GNAL: variants seen among roughly 807,000 people sequenced by gnomAD.
GNAL encodes the protein guanine nucleotide-binding protein G(olf) subunit alpha.
Under a neutral mutation model 55.1 loss-of-function variants are expected in GNAL, and 18 were observed. That is an observed-to-expected ratio of 0.33 (90% CI 0.23 to 0.48). The LOEUF (loss-of-function observed/expected upper bound fraction) is 0.48. GNAL is among the 20% of genes least tolerant of loss of function. GNAL has a pLI of 0.99. For missense variants in GNAL, 412 were observed against 614.1 expected (o/e 0.67, Z 3.48); for synonymous variants, 253 against 237.0 (o/e 1.07, Z -0.62).
At chr18:11,820,085 C>T (rs905839905) in intron 4 of GNAL, among the ~76,000 whole-genome samples, 4 of 151,890 alleles carry the variant, frequency 2.6e-5, no homozygotes, top group Admixed American at 1.3e-4. Flanking sequence ...TGAGAAAGGG[C>T]TATTTTAGTA....
chr18:11,804,939 G>T (rs2034615395), intron 4 of GNAL, among the ~76,000 whole-genome samples: 1 of 146,816 alleles, frequency 6.8e-6, no homozygotes, highest in Non-Finnish European at 1.5e-5. Flanking sequence ...CGGAGATACT[G>T]TGTAGTGGTG....
rs750928118 is a variant in GNAL at position 11,752,495 on chromosome 18, G to A, written c.377-358G>A. The A allele has an allele frequency of 6.2e-7, 1 of 1,613,128 alleles. No individual in the cohort carries two copies. The highest frequency in any genetic ancestry group is 1.1e-5 in the South Asian group (1 of 90,978). ...GACCAGGGCGTCGATGAAAAAGAACGACGCGAGGCCAACAAAAAGATCGAG... is the reference window on the plus strand; with the variant it reads ...GACCAGGGCGTCGATGAAAAAGAACAACGCGAGGCCAACAAAAAGATCGAG... On this transcript the variant is annotated intron_variant, in intron 1 of 11. Transcript: ENST00000334049. This position sits in a 1 kb window ranked among gnomAD's most constrained non-coding sequence, Gnocchi z 4.5.
At chr18:11,846,462 T>TAC (rs1357598485) in intron 5 of GNAL, among the ~76,000 whole-genome samples, 87 of 20,208 alleles carry the variant, frequency 4.3e-3, no homozygotes, top group African/African-American at 5.9e-3. Context: ...TATATATAAA[T>TAC]ATACACACAC....
rs981816213 is a variant in GNAL, at chr18:11,875,220, G to A, written c.1163-1401G>A. On this transcript the variant is annotated intron_variant, in intron 10 of 11. Transcript: ENST00000334049. ...CCCTGCCAGTGCTGCCCCCAGGGAG[G>A]CCAGGGCCCAGCTCCTGTGCCTGGA... Among the ~76,000 whole-genome samples the A allele has an allele frequency of 2.0e-5, 3 of 152,132 alleles. No homozygotes were observed. The South Asian group carries it at 6.2e-4, about 31-fold the overall frequency.
chr18:11,802,621 C>T (rs750785691), intron 4 of GNAL, among the ~76,000 whole-genome samples: 9 of 152,192 alleles, frequency 5.9e-5, no homozygotes, highest in Non-Finnish European at 1.0e-4. Context: ...CAAAACTGGT[C>T]ACTGCATATT....
intron 4 of GNAL, among the ~76,000 whole-genome samples, chr18:11,783,037 A>G (rs900752539): frequency 2.6e-5 from 4 of 152,234 alleles, no homozygotes; most frequent in African/African-American, 9.6e-5. Flanking sequence ...ATCAACCAAC[A>G]TTTGTAAAAG....
intron 4 of GNAL, among the ~76,000 whole-genome samples, chr18:11,812,140 GA>G (rs2034832983): frequency 6.6e-6 from 1 of 152,182 alleles, no homozygotes; most frequent in Non-Finnish European, 1.5e-5. Context: ...AATACTTGAG[GA>G]AAATTCTATG....
chr18:11,880,918 G>C (rs2036670563), intron 11 of GNAL, 71 bp from the exon 12 acceptor site: 1 of 1,510,896 alleles, frequency 6.6e-7, no homozygotes, highest in African/African-American at 1.4e-5. Flanking sequence ...CACCTGCTCA[G>C]CGTGGCCTAG....
chr18:11,808,066 A>G (rs2034712143), intron 4 of GNAL, among the ~76,000 whole-genome samples: 1 of 147,648 alleles, frequency 6.8e-6, no homozygotes, highest in Middle Eastern at 3.2e-3. Flanking sequence ...TCCCTACTCT[A>G]CCCTCACAGG....
At chr18:11,754,993 T>TGTGA (rs1316590816) in intron 4 of GNAL, among the ~76,000 whole-genome samples, 17 of 71,980 alleles carry the variant, frequency 2.4e-4, no homozygotes, top group African/African-American at 5.5e-4. Flanking sequence ...CAGAAGTGAG[T>TGTGA]GTGTATGTGT....
rs549882319 is a variant in GNAL, at chr18:11,751,778, C to A, written c.377-1075C>A. On this transcript the variant is annotated intron_variant, in intron 1 of 11. Transcript: ENST00000334049. This position sits in a 1 kb window ranked among gnomAD's most constrained non-coding sequence, Gnocchi z 4.5. ...CCCCTACAGCGCGGTAGCGCCTCTC[C>A]GAGAGCTCCGGGACCAGCGGCCCGG... 2.2e-4 allele frequency: 108 copies of A among 492,516 alleles called. No individual in the cohort carries two copies. In the South Asian group the frequency reaches 8.7e-3, roughly 39 times the overall value. 30.5% of individuals were successfully genotyped at this position (492,516 alleles called of 1,614,324 possible). A position where few individuals can be genotyped will look rare whatever the true frequency, so the allele number is the denominator to read the frequency against.
chr18:11,855,236 G>A (rs1454636981), intron 5 of GNAL, among the ~76,000 whole-genome samples: 1 of 152,038 alleles, frequency 6.6e-6, no homozygotes. Flanking sequence ...CACCGCGCCC[G>A]GTCCCCTGGC....
At chr18:11,860,477 T>C (rs1265992046) in intron 5 of GNAL, among the ~76,000 whole-genome samples, 2 of 152,182 alleles carry the variant, frequency 1.3e-5, no homozygotes, top group Admixed American at 6.5e-5. Context: ...TCTTTCCCAT[T>C]AGGTTCTGTA....
chr18:11,790,805 C>T (rs1046321376), intron 4 of GNAL, among the ~76,000 whole-genome samples: 2 of 151,728 alleles, frequency 1.3e-5, no homozygotes, highest in Admixed American at 1.3e-4. Context: ...TACAGGTGCC[C>T]GCCACCACGC....
chr18:11,839,330 G>GC (rs1223544792), intron 5 of GNAL, among the ~76,000 whole-genome samples: 2 of 151,746 alleles, frequency 1.3e-5, no homozygotes, highest in Non-Finnish European at 2.9e-5. Flanking sequence ...GATCACTTGA[G>GC]CCTAGGAGTT....
intron 4 of GNAL, among the ~76,000 whole-genome samples, chr18:11,755,017 TG>T: frequency 6.6e-6 from 1 of 152,214 alleles, no homozygotes; most frequent in South Asian, 2.1e-4. Context: ...TGTGTGTGTG[TG>T]TGTGTGTGTG....
chr18:11,858,180 T>C (rs1262929782), intron 5 of GNAL, among the ~76,000 whole-genome samples: 5 of 152,268 alleles, frequency 3.3e-5, no homozygotes, highest in African/African-American at 7.2e-5. Flanking sequence ...CTTTTGCTAA[T>C]ATCAAACAGA....
In GNAL at chr18:11,689,686, C is replaced by T; in HGVS notation, c.123C>T (p.Val41=). ...QPAPAPALAP[V]RAAARDTART... ...CCCCGGCCCCGGCCCTGGCCCCAGTCCGGGCGGCCGCAAGGGACACGGCCC... is the reference window on the plus strand; with the variant it reads ...CCCCGGCCCCGGCCCTGGCCCCAGTTCGGGCGGCCGCAAGGGACACGGCCC... Residue 41 remains valine, a synonymous_variant, in exon 1 of 12, where the codon GTC becomes GTT. Transcript: ENST00000334049. 6.8e-7 allele frequency: 1 copy of T among 1,467,092 alleles called. No homozygotes were observed. Among genetic ancestry groups the T allele is most frequent in the South Asian group, 1.3e-5 (1 of 76,644 alleles). The allele number at this position is 1,467,092 out of a possible 1,614,324, so 90.9% of individuals were successfully genotyped here.
chr18:11,751,240 A>G lies in GNAL; in HGVS notation c.377-1613A>G, dbSNP rs1228657489. 6.6e-6 allele frequency among the ~76,000 whole-genome samples: 1 copy of G among 151,946 alleles called. No homozygotes were observed. The highest frequency in any genetic ancestry group is 1.5e-5 in the Non-Finnish European group (1 of 67,958). ...CTCTTCTGACCTCCTTCCCCCAAGTACAACACTGCAAACGCCAAGCTGCCG... is the reference window on the plus strand; with the variant it reads ...CTCTTCTGACCTCCTTCCCCCAAGTGCAACACTGCAAACGCCAAGCTGCCG... On this transcript the variant is annotated intron_variant, in intron 1 of 11. Transcript: ENST00000334049. This position sits in a 1 kb window ranked among gnomAD's most constrained non-coding sequence, Gnocchi z 4.5.
Sources: allele counts gnomAD v4.1 joint callset (sites outside exome capture counted in the v4.1 genomes callset), GRCh38; gene constraint gnomAD v4.1.1; non-coding constraint Gnocchi (gnomAD v3.1); transcripts MANE v1.5; gene names NCBI Gene and HGNC (gene_info 2026-07-23, HGNC 2026-07-21).